Variants in SPAG1 observed in about 807,000 individuals in gnomAD.
The protein encoded by SPAG1 is sperm associated antigen 1, also known as sperm-associated antigen 1.
SPAG1 carries 69 observed loss-of-function variants against 100.5 expected under a neutral mutation model. That is an observed-to-expected ratio of 0.69 (90% CI 0.57 to 0.84). The LOEUF (loss-of-function observed/expected upper bound fraction) is 0.84. SPAG1 is among the 40% of genes least tolerant of loss of function. The pLI is 0.00. For missense variants in SPAG1, 955 were observed against 1,133.1 expected, an observed-to-expected ratio of 0.84 and a Z score of 2.26; for synonymous variants, 336 against 411.6, an observed-to-expected ratio of 0.82 and a Z score of 2.22.
rs937841424 is a variant in SPAG1, at chr8:100,213,386, G to A, written c.1393G>A (p.Ala465Thr). Residue 465 changes from alanine (A) to threonine (T), a missense_variant, in exon 11 of 19, where the codon GCC becomes ACC. Ala to Thr is a moderately conservative substitution (Grantham distance 58). Transcript: ENST00000388798. ...CCGAAGCGGGCAGTTCGCCGAGGCG[G>A]CCGGCAAGTACTCGGCGGCAATCGC... ...LFRSGQFAEA[A>T]GKYSAAIALL... 1 of 1,450,760 alleles carries A rather than the reference G, an allele frequency of 6.9e-7. No individual in the cohort carries two copies. Among genetic ancestry groups the A allele is most frequent in the Non-Finnish European group, 9.1e-7 (1 of 1,100,122 alleles). 89.9% of individuals were successfully genotyped at this position (1,450,760 alleles called of 1,614,324 possible). A position where few individuals can be genotyped will look rare whatever the true frequency, so the allele number is the denominator to read the frequency against.
At chr8:100,187,321 G>T in intron 8 of SPAG1, 71 bp downstream of exon 8, 1 of 1,226,402 alleles carries the variant, frequency 8.2e-7, no homozygotes, top group Non-Finnish European at 1.1e-6. Flanking sequence ...GTAGATACTT[G>T]TAATGTTTAC....
intron 2 of SPAG1, 195 bp from the exon 3 acceptor site, chr8:100,165,618 CT>C: frequency 1.2e-5 from 6 of 518,324 alleles, no homozygotes; most frequent in South Asian, 3.0e-5. Flanking sequence ...TTTGGAGTTC[CT>C]TTTTTTCTTC....
chr8:100,217,955 G>A (rs191833140), intron 12 of SPAG1, among the ~76,000 whole-genome samples: 3 of 151,824 alleles, frequency 2.0e-5, no homozygotes. Flanking sequence ...GCTAATTTTT[G>A]TATTTTTTTT....
intron 4 of SPAG1, among the ~76,000 whole-genome samples, chr8:100,179,974 G>A (rs1180024881): frequency 6.6e-6 from 1 of 152,120 alleles, no homozygotes; most frequent in Non-Finnish European, 1.5e-5. Flanking sequence ...GAGGCCTGTC[G>A]CTTTAAGAAA....
At chr8:100,226,726 T>C (rs1224746437) in intron 14 of SPAG1, among the ~76,000 whole-genome samples, 1 of 151,880 alleles carries the variant, frequency 6.6e-6, no homozygotes, top group East Asian at 1.9e-4. Flanking sequence ...TTAAATAACA[T>C]GTAGCTCTAC....
intron 4 of SPAG1, among the ~76,000 whole-genome samples, chr8:100,180,770 G>C (rs1371436649): frequency 6.6e-6 from 1 of 152,226 alleles, no homozygotes; most frequent in African/African-American, 2.4e-5. Context: ...TTGAGCACTA[G>C]TGACTGTATT....
At chr8:100,209,940 A>T (rs1327933029) in intron 10 of SPAG1, among the ~76,000 whole-genome samples, 6 of 151,954 alleles carry the variant, frequency 3.9e-5, no homozygotes, top group Non-Finnish European at 8.8e-5. Flanking sequence ...TCATATAATT[A>T]TGAATAGAGA....
At chr8:100,217,238 G>A (rs947465956) in intron 12 of SPAG1, among the ~76,000 whole-genome samples, 4 of 152,026 alleles carry the variant, frequency 2.6e-5, no homozygotes, top group African/African-American at 9.7e-5. Context: ...ACTGTGCCTG[G>A]CCCAAAAGTT....
In SPAG1 at chr8:100,188,043, C is replaced by T. The variant is rs571220217; in HGVS notation, c.832+793C>T. Among the ~76,000 whole-genome samples, 56 of 152,144 alleles carry T rather than the reference C, an allele frequency of 3.7e-4. 2 individuals are homozygous for T. Among genetic ancestry groups the T allele is most frequent in the East Asian group, 1.2e-3 (6 of 5,174 alleles). On this transcript the variant is annotated intron_variant, in intron 8 of 18. Coordinates refer to ENST00000388798, the MANE Select transcript of SPAG1 (RefSeq NM_003114.5). ...AATTGTTGTATTTTTAGTAGAGAGA[C>T]GGGGTTTCACCATGTTGGCCAGGCT...
chr8:100,164,789 A>G (rs1815476508), intron 2 of SPAG1, among the ~76,000 whole-genome samples: 1 of 152,264 alleles, frequency 6.6e-6, no homozygotes, highest in African/African-American at 2.4e-5. Context: ...TAAGCTATAT[A>G]TTTAATTAAA....
chr8:100,240,317 T>G, intron 17 of SPAG1, 86 bp from the exon 18 acceptor site: 3 of 1,334,818 alleles, frequency 2.2e-6, no homozygotes, highest in Non-Finnish European at 3.1e-6. Context: ...CTTGTAGTTT[T>G]CAATTCTCAT....
chr8:100,170,238 T>C (rs1815755752), intron 3 of SPAG1, among the ~76,000 whole-genome samples: 1 of 152,204 alleles, frequency 6.6e-6, no homozygotes, highest in African/African-American at 2.4e-5. Flanking sequence ...TAGTTTTCAG[T>C]ATGTAGTTCT....
chr8:100,180,853 T>C (rs1206017171), intron 4 of SPAG1, among the ~76,000 whole-genome samples: 2 of 152,200 alleles, frequency 1.3e-5, no homozygotes, highest in African/African-American at 4.8e-5. Context: ...TTAACATACT[T>C]GAAAGTCTTT....
intron 3 of SPAG1, among the ~76,000 whole-genome samples, chr8:100,176,916 C>T (rs1308379757): frequency 7.1e-6 from 1 of 140,646 alleles, no homozygotes; most frequent in Admixed American, 7.2e-5. Context: ...TCTCCTTTTC[C>T]CTCCTCCTTT....
At chr8:100,231,889 G>A (rs560486872) in intron 15 of SPAG1, among the ~76,000 whole-genome samples, 51 of 152,024 alleles carry the variant, frequency 3.4e-4, no homozygotes, top group African/African-American at 1.2e-3. Context: ...GTGAACCCGG[G>A]AGGCAGAGCT....
At chr8:100,181,673 A>C (rs1225072618) in intron 4 of SPAG1, among the ~76,000 whole-genome samples, 1 of 152,048 alleles carries the variant, frequency 6.6e-6, no homozygotes, top group East Asian at 1.9e-4. Flanking sequence ...GCACAACTCT[A>C]AGCTCTGTTT....
At chr8:100,238,291 C>T (rs1018034193) in intron 16 of SPAG1, among the ~76,000 whole-genome samples, 2 of 152,102 alleles carry the variant, frequency 1.3e-5, no homozygotes, top group African/African-American at 4.8e-5. Flanking sequence ...AAGGTTATCC[C>T]TTTAAATATG....
At chr8:100,205,997 G>T (rs377416652) in intron 10 of SPAG1, among the ~76,000 whole-genome samples, 17 of 123,692 alleles carry the variant, frequency 1.4e-4, no homozygotes, top group African/African-American at 4.7e-4. Context: ...CCAGCCTGGC[G>T]ACAGAGTGAG....
At chr8:100,168,475 C>A (rs1815661499) in intron 3 of SPAG1, among the ~76,000 whole-genome samples, 1 of 151,878 alleles carries the variant, frequency 6.6e-6, no homozygotes, top group African/African-American at 2.4e-5. Flanking sequence ...CTCGCTGCAG[C>A]CTTGACCTCC....
Sources: gnomAD v4.1 joint callset for allele counts (sites outside exome capture counted in the v4.1 genomes callset) on GRCh38, gnomAD v4.1.1 for gene constraint, MANE v1.5 for transcripts, NCBI Gene and HGNC (gene_info 2026-07-23, HGNC 2026-07-21) for gene names.